RETREG1: variants seen among roughly 807,000 people sequenced by gnomAD.
RETREG1 encodes the protein reticulophagy regulator 1, also known as family with sequence similarity 134 member B.
In RETREG1, 44 loss-of-function variants were observed where a neutral mutation model predicts 54.8. The observed-to-expected ratio is 0.80, with a 90% CI of 0.63 to 1.03. The LOEUF is 1.03. Among genes scored for constraint, RETREG1 ranks in the 50% least tolerant of loss-of-function variants. The pLI, the probability that RETREG1 is intolerant of heterozygous loss-of-function variation, is 0.00. For missense variants in RETREG1, 554 were observed against 605.1 expected (o/e 0.92, Z 0.89); for synonymous variants, 217 against 238.5 (o/e 0.91, Z 0.83).
chr5:16,515,753 C>T (rs1230766555), intron 3 of RETREG1, among the ~76,000 whole-genome samples: 1 of 152,178 alleles, frequency 6.6e-6, no homozygotes, highest in Non-Finnish European at 1.5e-5. Context: ...ATATAGTCTG[C>T]AGTCACATGA....
chr5:16,615,587 A>G (rs1743480503), intron 1 of RETREG1, among the ~76,000 whole-genome samples: 1 of 152,128 alleles, frequency 6.6e-6, no homozygotes, highest in African/African-American at 2.4e-5. Context: ...AATAAACTCT[A>G]TTCCAAACAC....
intron 4 of RETREG1, chr5:16,483,129 T>C (rs1738870948): frequency 3.6e-6 from 2 of 552,302 alleles, no homozygotes. Context: ...ATATATAAAA[T>C]GTAAAACCAA....
chr5:16,491,544 G>A (rs1431802067), intron 3 of RETREG1, among the ~76,000 whole-genome samples: 2 of 152,084 alleles, frequency 1.3e-5, no homozygotes, highest in South Asian at 2.1e-4. Context: ...TCACTTATCC[G>A]AATGTTTCTA....
intron 3 of RETREG1, among the ~76,000 whole-genome samples, chr5:16,495,694 G>A (rs917961020): frequency 8.5e-5 from 13 of 152,210 alleles, no homozygotes; most frequent in African/African-American, 2.6e-4. Flanking sequence ...CCAGCTACTC[G>A]GGAGGCTGAG....
Position 16,477,974 on chromosome 5 carries a change from G to A in RETREG1, c.873+60C>T, listed in dbSNP as rs80022438. 6.5e-3 allele frequency: 8,874 copies of A among 1,368,524 alleles called. 433 individuals are homozygous for A. In the African/African-American group the frequency reaches 0.11, roughly 17 times the overall value. The allele number at this position is 1,368,524 out of a possible 1,614,324, so 84.8% of individuals were successfully genotyped here. A position where few individuals can be genotyped will look rare whatever the true frequency, so the allele number is the denominator to read the frequency against. ...TTAGGAAGATCATTCAGCTTTGTAT[G>A]CATACATGCATTTACAGTCAAACCA... On this transcript the variant is annotated intron_variant, in intron 7 of 8. Coordinates refer to ENST00000306320, the MANE Select transcript of RETREG1 (RefSeq NM_001034850.3).
At chr5:16,547,438 T>A (rs187592113) in intron 3 of RETREG1, among the ~76,000 whole-genome samples, 2 of 152,326 alleles carry the variant, frequency 1.3e-5, no homozygotes, top group East Asian at 3.9e-4. Context: ...ACATTCCACA[T>A]TCCCTTTCAA....
intron 1 of RETREG1, among the ~76,000 whole-genome samples, chr5:16,614,632 T>C (rs573837070): frequency 1.2e-4 from 19 of 152,300 alleles, no homozygotes; most frequent in African/African-American, 4.6e-4. Flanking sequence ...AAATTACAAG[T>C]GCACATGCCC....
intron 8 of RETREG1, among the ~76,000 whole-genome samples, chr5:16,475,629 TA>T (rs2126506997): frequency 6.6e-6 from 1 of 152,306 alleles, no homozygotes; most frequent in Non-Finnish European, 1.5e-5. Flanking sequence ...ACATGAAATT[TA>T]AAATACTATA....
chr5:16,484,078 A>G (rs1738922732), intron 3 of RETREG1, among the ~76,000 whole-genome samples: 2 of 152,168 alleles, frequency 1.3e-5, no homozygotes, highest in Non-Finnish European at 2.9e-5. Context: ...GGAAAACTCT[A>G]TAGAAAATTG....
intron 1 of RETREG1, among the ~76,000 whole-genome samples, chr5:16,584,912 GGAGT>G (rs913251294): frequency 2.0e-5 from 3 of 152,130 alleles, no homozygotes; most frequent in South Asian, 2.1e-4. Flanking sequence ...ATCCGAAAAT[GGAGT>G]GAGATAAAGC....
intron 8 of RETREG1, among the ~76,000 whole-genome samples, chr5:16,476,470 A>G (rs16868665): frequency 0.025 from 3,767 of 151,480 alleles, 151 homozygotes; most frequent in African/African-American, 0.088. Flanking sequence ...CATTATAAAG[A>G]ATACTGTGCT....
intron 1 of RETREG1, among the ~76,000 whole-genome samples, chr5:16,615,265 T>C (rs756411290): frequency 6.6e-6 from 1 of 151,300 alleles, no homozygotes; most frequent in Non-Finnish European, 1.5e-5. Context: ...CCAGGCGTGG[T>C]GGCGGGCGCC....
intron 3 of RETREG1, among the ~76,000 whole-genome samples, chr5:16,519,773 C>T (rs991252036): frequency 4.6e-5 from 7 of 152,210 alleles, no homozygotes; most frequent in African/African-American, 1.7e-4. Flanking sequence ...TAACTATTAA[C>T]AGGCCCCCTC....
Position 16,616,922 on chromosome 5 carries a change from GGA to G in RETREG1, c.48_49del (p.Pro17CysfsTer123), listed in dbSNP as rs1237606770. 3 of 1,477,016 alleles carry G rather than the reference GGA, an allele frequency of 2.0e-6. No homozygotes were observed. The highest frequency in any genetic ancestry group is 2.7e-6 in the Non-Finnish European group (3 of 1,121,056). The allele number at this position is 1,477,016 out of a possible 1,614,324, so 91.5% of individuals were successfully genotyped here. On this transcript the variant is annotated frameshift_variant, in exon 1 of 9. Transcript: ENST00000306320. LOFTEE classifies it high-confidence loss of function. ...CGGCGGCGCCTGCTCCTCGGCGGCA[GGA>G]GCCGGGCATCCCTCCTCGGCGTGCT...
rs528423344 is a variant in RETREG1, at chr5:16,489,215, C to A, written c.459-5743G>T. 6.0e-5 allele frequency among the ~76,000 whole-genome samples: 9 copies of A among 149,844 alleles called. No individual in the cohort carries two copies. In the South Asian group the frequency reaches 1.9e-3, roughly 32 times the overall value. ...TTATGAACAAAATAACTCAGTCAAA[C>A]TGGGATGTGAAGCAGTTCACTTATT... On this transcript the variant is annotated intron_variant, in intron 3 of 8. Transcript: ENST00000306320.
chr5:16,544,769 C>T, intron 3 of RETREG1, among the ~76,000 whole-genome samples: 1 of 152,114 alleles, frequency 6.6e-6, no homozygotes, highest in East Asian at 1.9e-4. Flanking sequence ...TGCTTTGTTC[C>T]ACTGATCTAT....
chr5:16,606,678 GTCC>G (rs1743200632), intron 1 of RETREG1, among the ~76,000 whole-genome samples: 1 of 151,910 alleles, frequency 6.6e-6, no homozygotes. Flanking sequence ...AAATCATTCT[GTCC>G]TCCTGATTTT....
intron 1 of RETREG1, among the ~76,000 whole-genome samples, chr5:16,592,658 A>T (rs149405815): frequency 6.6e-6 from 1 of 152,336 alleles, no homozygotes; most frequent in East Asian, 1.9e-4. Flanking sequence ...CTAAATGCTC[A>T]TCGATAGACT....
chr5:16,500,179 A>G (rs1166596755), intron 3 of RETREG1, among the ~76,000 whole-genome samples: 1 of 152,198 alleles, frequency 6.6e-6, no homozygotes, highest in African/African-American at 2.4e-5. Flanking sequence ...CACAGAGCCT[A>G]TGGGCTTCTC....
Sources: gnomAD v4.1 joint callset for allele counts (sites outside exome capture counted in the v4.1 genomes callset) on GRCh38, gnomAD v4.1.1 for gene constraint, MANE v1.5 for transcripts, NCBI Gene and HGNC (gene_info 2026-07-23, HGNC 2026-07-21) for gene names.